Variants in RBFOX1 observed in about 807,000 individuals in gnomAD.
RBFOX1 encodes RNA binding protein fox-1 homolog 1.
RBFOX1 carries 8 observed loss-of-function variants against 57.7 expected under a neutral mutation model. The ratio of observed to expected loss-of-function variants is 0.14; its 90% CI spans 0.08 to 0.25. RBFOX1 has a LOEUF of 0.25. RBFOX1 is among the 10% of genes least tolerant of loss of function. The pLI, the probability that RBFOX1 is intolerant of heterozygous loss-of-function variation, is 1.00. For synonymous variants in RBFOX1, 326 were observed against 222.4 expected (o/e 1.47, Z -4.15); for missense variants, 611 against 548.5 (o/e 1.11, Z -1.14).
At chr16:7,101,487 G>A (rs1025060557) in intron 4 of RBFOX1, among the ~76,000 whole-genome samples, 3 of 152,134 alleles carry the variant, frequency 2.0e-5, no homozygotes, top group African/African-American at 7.2e-5. Flanking sequence ...GGAAGAAACT[G>A]AGATTCAGAA....
chr16:6,140,961 C>T (rs774159303), intron 1 of RBFOX1, among the ~76,000 whole-genome samples: 1 of 151,918 alleles, frequency 6.6e-6, no homozygotes, highest in Non-Finnish European at 1.5e-5. Flanking sequence ...CTCGTATTCT[C>T]CCCAAGCTCT....
At chr16:7,268,659 G>T (rs138497790) in intron 4 of RBFOX1, among the ~76,000 whole-genome samples, 171 of 152,244 alleles carry the variant, frequency 1.1e-3, no homozygotes, top group Admixed American at 2.0e-3. Flanking sequence ...GTGTAACTGT[G>T]AGTCAATCCT....
intron 1 of RBFOX1, among the ~76,000 whole-genome samples, chr16:6,195,652 GA>G (rs1348525511): frequency 6.6e-6 from 1 of 152,022 alleles, no homozygotes; most frequent in African/African-American, 2.4e-5. Context: ...CCGGGTGGTG[GA>G]GGTTGCAGTG....
intron 1 of RBFOX1, among the ~76,000 whole-genome samples, chr16:5,430,389 G>A (rs1342126730): frequency 2.0e-5 from 3 of 152,204 alleles, no homozygotes; most frequent in Non-Finnish European, 4.4e-5. Flanking sequence ...GGAGGCATTT[G>A]AGAAACAGTG....
At chr16:6,040,729 G>A (rs751173184) in intron 1 of RBFOX1, among the ~76,000 whole-genome samples, 18 of 151,824 alleles carry the variant, frequency 1.2e-4, no homozygotes, top group Non-Finnish European at 4.4e-5. Flanking sequence ...TGAGTAGCTG[G>A]GATTACAGGC....
chr16:7,300,513 C>G (rs555602954), intron 4 of RBFOX1, among the ~76,000 whole-genome samples: 15 of 152,362 alleles, frequency 9.8e-5, no homozygotes, highest in African/African-American at 3.4e-4. Context: ...GACGTTGCCA[C>G]TGAGCTAACC....
At chr16:6,337,901 A>G (rs1197616644) in intron 2 of RBFOX1, among the ~76,000 whole-genome samples, 1 of 152,216 alleles carries the variant, frequency 6.6e-6, no homozygotes, top group Non-Finnish European at 1.5e-5. Flanking sequence ...CAATATCAGG[A>G]AGGCAGCATG....
intron 4 of RBFOX1, among the ~76,000 whole-genome samples, chr16:7,162,685 C>A (rs141486012): frequency 1.3e-5 from 2 of 151,756 alleles, no homozygotes; most frequent in East Asian, 1.9e-4. Flanking sequence ...GCTGAGATTG[C>A]GCCACTGCAC....
intron 1 of RBFOX1, among the ~76,000 whole-genome samples, chr16:6,272,818 A>C (rs1048130701): frequency 6.6e-6 from 1 of 152,210 alleles, no homozygotes; most frequent in Non-Finnish European, 1.5e-5. Context: ...AAAGGTGAAA[A>C]GGCAATTCAA....
chr16:6,922,321 G>C (rs915279760), intron 3 of RBFOX1, among the ~76,000 whole-genome samples: 1 of 152,112 alleles, frequency 6.6e-6, no homozygotes, highest in Non-Finnish European at 1.5e-5. Flanking sequence ...AGTTCCGAGT[G>C]TCCGGTGGTA....
At chr16:6,439,185 T>C (rs1246381166) in intron 2 of RBFOX1, among the ~76,000 whole-genome samples, 1 of 152,172 alleles carries the variant, frequency 6.6e-6, no homozygotes, top group African/African-American at 2.4e-5. Flanking sequence ...ATGAGGTCAG[T>C]TGCATACAGG....
intron 2 of RBFOX1, among the ~76,000 whole-genome samples, chr16:5,489,227 C>G (rs982054667): frequency 6.6e-6 from 1 of 152,246 alleles, no homozygotes; most frequent in Admixed American, 6.5e-5. Context: ...CTGTTCTCCT[C>G]TCATGCTTCC....
intron 4 of RBFOX1, among the ~76,000 whole-genome samples, chr16:7,217,738 A>G (rs920137959): frequency 5.9e-5 from 9 of 152,228 alleles, no homozygotes; most frequent in African/African-American, 1.7e-4. Flanking sequence ...CTTTATTTAC[A>G]TCAGTAAAGA....
chr16:6,062,876 G>C (rs979693475), intron 1 of RBFOX1, among the ~76,000 whole-genome samples: 1 of 152,026 alleles, frequency 6.6e-6, no homozygotes, highest in East Asian at 1.9e-4. Flanking sequence ...TTGTAGTCTT[G>C]AGTCTGAAAT....
intron 2 of RBFOX1, among the ~76,000 whole-genome samples, chr16:6,407,596 G>GAGAGAGAGAGAGAGAGAGAGAGAGAGAAC (rs71386523): frequency 6.8e-6 from 1 of 146,190 alleles, no homozygotes; most frequent in Non-Finnish European, 1.5e-5. Flanking sequence ...AGAGAGAGAA[G>GAGAGAGAGAGAGAGAGAGAGAGAGAGAAC]TACATTCTAT....
At chr16:6,676,163 C>G (rs1407241925) in intron 3 of RBFOX1, among the ~76,000 whole-genome samples, 7 of 151,896 alleles carry the variant, frequency 4.6e-5, no homozygotes, top group Middle Eastern at 6.8e-3. Flanking sequence ...CACACACACA[C>G]ACACACACAC....
chr16:6,399,610 C>T (rs2092986431), intron 2 of RBFOX1, among the ~76,000 whole-genome samples: 2 of 152,158 alleles, frequency 1.3e-5, no homozygotes, highest in South Asian at 4.2e-4. Flanking sequence ...TTCTTGTGAG[C>T]CCTCCAAACT....
chr16:5,697,366 G>A (rs1031309574), intron 3 of RBFOX1, among the ~76,000 whole-genome samples: 50 of 150,802 alleles, frequency 3.3e-4, no homozygotes, highest in African/African-American at 1.2e-3. Flanking sequence ...CATATAATAT[G>A]AATAATATGT....
intron 4 of RBFOX1, among the ~76,000 whole-genome samples, chr16:5,887,288 G>A (rs979585779): frequency 7.2e-5 from 11 of 152,282 alleles, no homozygotes; most frequent in Non-Finnish European, 1.0e-4. Context: ...CACCACAGCA[G>A]CCCCAGTGAA....
Sources: gnomAD v4.1 joint callset for allele counts (sites outside exome capture counted in the v4.1 genomes callset) on GRCh38, gnomAD v4.1.1 for gene constraint, MANE v1.5 for transcripts, NCBI Gene and HGNC (gene_info 2026-07-23, HGNC 2026-07-21) for gene names.